Variants in AP2M1 observed in about 807,000 individuals in gnomAD.
AP2M1 encodes the protein AP-2 complex subunit mu.
A neutral mutation model predicts 54.5 loss-of-function variants in AP2M1; 5 were observed. That is an observed-to-expected ratio of 0.09 (90% CI 0.05 to 0.19). The LOEUF is 0.19. AP2M1 is among the 10% of genes least tolerant of loss of function. The pLI is 1.00. For synonymous variants in AP2M1, 186 were observed against 208.2 expected, an observed-to-expected ratio of 0.89 and a Z score of 0.92; for missense variants, 178 against 580.2, an observed-to-expected ratio of 0.31 and a Z score of 7.12.
Position 184,180,618 on chromosome 3 carries a change from G to A in AP2M1, c.424-27G>A, listed in dbSNP as rs369570702. The A allele has an allele frequency of 6.2e-7, 1 of 1,613,696 alleles. No homozygotes were observed. Among genetic ancestry groups the A allele is most frequent in the Admixed American group, 1.7e-5 (1 of 60,026 alleles). ...CTGCCTCCCTTGCTGCTTCATGTGG[G>A]CACCTCGTTGGCCCTGCGGCCTCCA... is the stretch of plus-strand genomic sequence containing the variant. On this transcript the variant is annotated intron_variant, in intron 4 of 11. Coordinates refer to ENST00000292807, the MANE Select transcript of AP2M1 (RefSeq NM_004068.4). The surrounding 1 kb of genome is among the most constrained non-coding windows in gnomAD (Gnocchi z 4.9).
In AP2M1 at chr3:184,182,068, G is replaced by A. The variant is rs1715292104; in HGVS notation, c.963+21G>A. 6.2e-7 allele frequency: 1 copy of A among 1,611,760 alleles called. No homozygotes were observed. Among genetic ancestry groups the A allele is most frequent in the Non-Finnish European group, 8.5e-7 (1 of 1,178,532 alleles). ...TCGAGGTGAGGACAGGGGGCTCAAGGAGGAGGAAGAACTTGTCCCTAGGAA... is the reference window on the plus strand; with the variant it reads ...TCGAGGTGAGGACAGGGGGCTCAAGAAGGAGGAAGAACTTGTCCCTAGGAA... On this transcript the variant is annotated intron_variant, in intron 9 of 11. Transcript: ENST00000292807. The surrounding 1 kb of genome is among the most constrained non-coding windows in gnomAD (Gnocchi z 5.5).
At chr3:184,179,299 C>T (rs565788483) in intron 3 of AP2M1, 177 bp downstream of exon 3, 9 of 754,054 alleles carry the variant, frequency 1.2e-5, no homozygotes, top group African/African-American at 1.1e-4. Context: ...CACATCCAGA[C>T]CTGAAGGCTG....
At position 184,182,317 on chromosome 3, in the gene AP2M1, G is replaced by A. The variant is rs1715300955; in HGVS notation, c.1061+69G>A. 1.3e-6 allele frequency: 2 copies of A among 1,517,502 alleles called. No individual in the cohort carries two copies. The highest frequency in any genetic ancestry group is 1.9e-5 in the Admixed American group (1 of 51,488). 94.0% of individuals were successfully genotyped at this position (1,517,502 alleles called of 1,614,324 possible). A position where few individuals can be genotyped will look rare whatever the true frequency, so the allele number is the denominator to read the frequency against. On this transcript the variant is annotated intron_variant, in intron 10 of 11. Transcript: ENST00000292807. This position sits in a 1 kb window ranked among gnomAD's most constrained non-coding sequence, Gnocchi z 5.5. ...AGTATACCCTCTTGTTTTCAGCTTT[G>A]ATCCTTCTGAATGAGGGGCAGGGGA...
rs760378136 is a variant in AP2M1, at chr3:184,181,195, G to A, written c.676G>A (p.Gly226Ser). 2 of 1,614,000 alleles carry A rather than the reference G, an allele frequency of 1.2e-6. No individual in the cohort carries two copies. The highest frequency in any genetic ancestry group is 1.3e-5 in the African/African-American group (1 of 74,920). ...TGACAAGATTGTTATTGAAAAGCAG[G>A]GCAAAGGCACAGCTGATGAAACAAG... ...MNDKIVIEKQ[G>S]KGTADETSKS... Residue 226 changes from glycine to serine, a missense_variant, in exon 7 of 12, where the codon GGC becomes AGC. Gly to Ser is a moderately conservative substitution (Grantham distance 56). Transcript: ENST00000292807. The surrounding 1 kb of genome is among the most constrained non-coding windows in gnomAD (Gnocchi z 5.7).
In AP2M1 at chr3:184,182,369, C is replaced by T; in HGVS notation, c.1061+121C>T. The stretch of plus-strand genomic sequence containing the variant: ...TGTGCCTGTTTGCTTTTCTAGGAGC[C>T]TCTGCTTGTACTGTCAGTCTTTATA... On this transcript the variant is annotated intron_variant, in intron 10 of 11. Coordinates refer to ENST00000292807, the MANE Select transcript of AP2M1 (RefSeq NM_004068.4). The surrounding 1 kb of genome is among the most constrained non-coding windows in gnomAD (Gnocchi z 5.5). The T allele has an allele frequency of 1.8e-6, 2 of 1,084,002 alleles. No individual in the cohort carries two copies. The highest frequency in any genetic ancestry group is 3.1e-5 in the South Asian group (2 of 63,584). 67.1% of individuals were successfully genotyped at this position (1,084,002 alleles called of 1,614,324 possible).
intron 3 of AP2M1, 163 bp downstream of exon 3, chr3:184,179,285 A>T (rs1715191719): frequency 1.2e-6 from 1 of 853,574 alleles, no homozygotes; most frequent in Admixed American, 2.8e-5. Context: ...TCAGAAGGCC[A>T]GTTCACATCC....
At position 184,182,441 on chromosome 3, in the gene AP2M1, C is replaced by A; in HGVS notation, c.1061+193C>A. ...GCCTGCATTTGGGTTCATGCACGTG[C>A]TTATTTTTTAAGATGCTTTGGCATT... On this transcript the variant is annotated intron_variant, in intron 10 of 11. Transcript: ENST00000292807. This position sits in a 1 kb window ranked among gnomAD's most constrained non-coding sequence, Gnocchi z 5.5. 1 of 624,412 alleles carries A rather than the reference C, an allele frequency of 1.6e-6. No homozygotes were observed. The highest frequency in any genetic ancestry group is 2.8e-6 in the Non-Finnish European group (1 of 361,512). 38.7% of individuals were successfully genotyped at this position (624,412 alleles called of 1,614,324 possible).
In AP2M1 at chr3:184,177,621, T is replaced by A. The variant is rs750763575; in HGVS notation, c.74+554T>A. 8 of 1,535,234 alleles carry A rather than the reference T, an allele frequency of 5.2e-6. No individual in the cohort carries two copies. The East Asian group carries it at 1.5e-4, about 28-fold the overall frequency. Reference sequence around the variant, plus strand: ...GGGAGTGGCTGGAAGCGTGAGGCACTCTCTGGGTCACTGTGGGAGGGCAGG... The same window carrying A: ...GGGAGTGGCTGGAAGCGTGAGGCACACTCTGGGTCACTGTGGGAGGGCAGG... On this transcript the variant is annotated intron_variant, in intron 2 of 11. Transcript: ENST00000292807.
rs189182155 is a variant in AP2M1 at position 184,182,210 on chromosome 3, G to A, written c.1023G>A (p.Lys341=). The change falls in exon 10 of 12, where the codon AAG becomes AAA. Residue 341 remains lysine (K), a synonymous_variant. Transcript: ENST00000292807. The surrounding 1 kb of genome is among the most constrained non-coding windows in gnomAD (Gnocchi z 5.5). The part of the protein sequence containing the change: ...SGVQVICMKG[K]AKYKASENAI... ...TGCAGGTGATCTGCATGAAGGGGAAGGCCAAGTACAAGGCCAGCGAGAATG... is the reference window on the plus strand; with the variant it reads ...TGCAGGTGATCTGCATGAAGGGGAAAGCCAAGTACAAGGCCAGCGAGAATG... The A allele has an allele frequency of 3.0e-5, 49 of 1,614,184 alleles. No individual in the cohort carries two copies. In the East Asian group the frequency reaches 8.5e-4, roughly 28 times the overall value.
chr3:184,180,895 T>C lies in AP2M1; in HGVS notation c.476T>C (p.Ile159Thr). ...SQITSQVTGQIGWRREGIKYR... is the reference protein window; with the variant it reads ...SQITSQVTGQTGWRREGIKYR... ...ATCACCAGCCAGGTAACTGGGCAGA[T>C]TGGCTGGCGGCGAGAGGGTATCAAG... The change falls in exon 6 of 12, where the codon ATT (isoleucine) becomes ACT (threonine). Residue 159 changes from isoleucine to threonine, a missense_variant. By Grantham distance (89) the Ile-to-Thr change is moderately conservative. Coordinates refer to ENST00000292807, the MANE Select transcript of AP2M1 (RefSeq NM_004068.4). This position sits in a 1 kb window ranked among gnomAD's most constrained non-coding sequence, Gnocchi z 4.9. 1.2e-6 allele frequency: 2 copies of C among 1,614,178 alleles called. No individual in the cohort carries two copies. The highest frequency in any genetic ancestry group is 1.7e-6 in the Non-Finnish European group (2 of 1,180,018).
Position 184,182,269 on chromosome 3 carries a change from G to T in AP2M1, c.1061+21G>T, listed in dbSNP as rs1481273922. The T allele has an allele frequency of 6.2e-7, 1 of 1,611,126 alleles. No homozygotes were observed. Among genetic ancestry groups the T allele is most frequent in the Non-Finnish European group, 8.5e-7 (1 of 1,178,496 alleles). ...TGGAAGTGAGTCTTTCCTTCATTAG[G>T]CCACAGCAGGGCTCAAGATCCCAGT... On this transcript the variant is annotated intron_variant, in intron 10 of 11. Transcript: ENST00000292807. This position sits in a 1 kb window ranked among gnomAD's most constrained non-coding sequence, Gnocchi z 5.5.
chr3:184,181,072 G>T lies in AP2M1; in HGVS notation c.566-13G>T, dbSNP rs368972395. ...TGACTCCGCTGCTCCCCATTTATCT[G>T]TTCCATCACCAGGGCAGGTGCTGAG... is the stretch of plus-strand genomic sequence containing the variant. On this transcript the variant is annotated splice_polypyrimidine_tract_variant and intron_variant, in intron 6 of 11. Transcript: ENST00000292807. This position sits in a 1 kb window ranked among gnomAD's most constrained non-coding sequence, Gnocchi z 5.7. 7 of 1,614,022 alleles carry T rather than the reference G, an allele frequency of 4.3e-6. No individual in the cohort carries two copies. The African/African-American group carries it at 9.3e-5, about 22-fold the overall frequency.
chr3:184,175,090 G>C (rs570207468), intron 1 of AP2M1, 131 bp downstream of exon 1: 26 of 395,906 alleles, frequency 6.6e-5, no homozygotes, highest in Admixed American at 2.2e-4. Context: ...TTCAGCCTTC[G>C]GACCCGGGAG....
At position 184,181,466 on chromosome 3, in the gene AP2M1, C is replaced by T; in HGVS notation, c.708-230C>T. ...AGGCCTTTTCTGTACATACTGACAG[C>T]CTCTGCCCAGTGTGCCTGAAACACC... On this transcript the variant is annotated intron_variant, in intron 7 of 11. Transcript: ENST00000292807. The surrounding 1 kb of genome is among the most constrained non-coding windows in gnomAD (Gnocchi z 5.7). 1.2e-6 allele frequency: 1 copy of T among 803,918 alleles called. No individual in the cohort carries two copies. Among genetic ancestry groups the T allele is most frequent in the South Asian group, 1.8e-5 (1 of 54,584 alleles). 49.8% of individuals were successfully genotyped at this position (803,918 alleles called of 1,614,324 possible).
Position 184,182,826 on chromosome 3 carries a change from C to G in AP2M1, c.1131C>G (p.Asp377Glu). Residue 377 changes from aspartate to glutamate, a missense_variant, in exon 11 of 12, where the codon GAC becomes GAG. Around this residue, in one of 5 missense-constraint regions of AP2M1, gnomAD observed 59 missense variants for 176.8 expected, o/e 0.33. Coordinates refer to ENST00000292807, the MANE Select transcript of AP2M1 (RefSeq NM_004068.4). The surrounding 1 kb of genome is among the most constrained non-coding windows in gnomAD (Gnocchi z 5.5). ...AGATTGAGCTTCTGCCTACCAACGACAAGAAGAAATGGGCTCGACCCCCCA... is the reference window on the plus strand; with the variant it reads ...AGATTGAGCTTCTGCCTACCAACGAGAAGAAGAAATGGGCTCGACCCCCCA... ...SAEIELLPTN[D>E]KKKWARPPIS... The G allele has an allele frequency of 1.2e-6, 2 of 1,614,120 alleles. No individual in the cohort carries two copies. The highest frequency in any genetic ancestry group is 2.2e-5 in the South Asian group (2 of 91,074).
At position 184,180,633 on chromosome 3, in the gene AP2M1, T is replaced by C. The variant is rs1342408172; in HGVS notation, c.424-12T>C. On this transcript the variant is annotated splice_polypyrimidine_tract_variant and intron_variant, in intron 4 of 11. Coordinates refer to ENST00000292807, the MANE Select transcript of AP2M1 (RefSeq NM_004068.4). This position sits in a 1 kb window ranked among gnomAD's most constrained non-coding sequence, Gnocchi z 4.9. ...CTTCATGTGGGCACCTCGTTGGCCC[T>C]GCGGCCTCCAGCATCAGGTAAGCTC... The C allele has an allele frequency of 8.1e-6, 13 of 1,613,978 alleles. No homozygotes were observed. The highest frequency in any genetic ancestry group is 1.7e-5 in the Admixed American group (1 of 60,012).
rs780137453 is a variant in AP2M1 at position 184,180,794 on chromosome 3, T to C, written c.430-55T>C. 5 of 1,614,100 alleles carry C rather than the reference T, an allele frequency of 3.1e-6. No homozygotes were observed. The highest frequency in any genetic ancestry group is 4.2e-6 in the Non-Finnish European group (5 of 1,180,008). On this transcript the variant is annotated intron_variant, in intron 5 of 11. Coordinates refer to ENST00000292807, the MANE Select transcript of AP2M1 (RefSeq NM_004068.4). This position sits in a 1 kb window ranked among gnomAD's most constrained non-coding sequence, Gnocchi z 4.9. ...GGGTGGAGTGGGGATAGAGACAGGA[T>C]GATTAAAGGGACAGAGGAGTGAGGC... is the stretch of plus-strand genomic sequence containing the variant.
In AP2M1 at chr3:184,182,360, T is replaced by C. The variant is rs927687126; in HGVS notation, c.1061+112T>C. ...GCAGGGGAGTGTGCCTGTTTGCTTT[T>C]CTAGGAGCCTCTGCTTGTACTGTCA... On this transcript the variant is annotated intron_variant, in intron 10 of 11. Transcript: ENST00000292807. The surrounding 1 kb of genome is among the most constrained non-coding windows in gnomAD (Gnocchi z 5.5). The C allele has an allele frequency of 7.9e-6, 9 of 1,135,820 alleles. No homozygotes were observed. The African/African-American group carries it at 1.3e-4, about 16-fold the overall frequency. The allele number at this position is 1,135,820 out of a possible 1,614,324, so 70.4% of individuals were successfully genotyped here. A position where few individuals can be genotyped will look rare whatever the true frequency, so the allele number is the denominator to read the frequency against.
intron 1 of AP2M1, among the ~76,000 whole-genome samples, chr3:184,176,358 C>T (rs1415112731): frequency 6.6e-6 from 1 of 152,226 alleles, no homozygotes; most frequent in Admixed American, 6.5e-5. Flanking sequence ...TTAAGCCACA[C>T]TCCCGGGTCC....
Sources: gnomAD v4.1 joint callset for allele counts (sites outside exome capture counted in the v4.1 genomes callset) on GRCh38, gnomAD v4.1.1 for gene constraint, gnomAD v4.1.1 regional missense constraint, Gnocchi (gnomAD v3.1) non-coding constraint, MANE v1.5 for transcripts, NCBI Gene and HGNC (gene_info 2026-07-23, HGNC 2026-07-21) for gene names.